ABCG2: variants seen among roughly 807,000 people sequenced by gnomAD.
ABCG2 encodes the protein ATP binding cassette subfamily G member 2 (JR blood group).
Under a neutral mutation model 73.5 loss-of-function variants are expected in ABCG2, and 80 were observed. The observed-to-expected ratio is 1.09, with a 90% CI of 0.91 to 1.31. ABCG2 has a LOEUF of 1.31. ABCG2 is among the 50% of genes most tolerant of loss of function. ABCG2 has a pLI of 0.00. For synonymous variants in ABCG2, 269 were observed against 282.4 expected, an observed-to-expected ratio of 0.95 and a Z score of 0.48; for missense variants, 796 against 786.2, an observed-to-expected ratio of 1.01 and a Z score of -0.15.
At chr4:88,112,502 C>G (rs1228045689) in intron 9 of ABCG2, among the ~76,000 whole-genome samples, 1 of 152,148 alleles carries the variant, frequency 6.6e-6, no homozygotes, top group African/African-American at 2.4e-5. Context: ...CTTCTACCAT[C>G]TAACATGCTA....
intron 1 of ABCG2, among the ~76,000 whole-genome samples, chr4:88,180,468 G>T (rs1728187400): frequency 6.6e-6 from 1 of 152,236 alleles, no homozygotes; most frequent in African/African-American, 2.4e-5. Context: ...AGGTACAGTG[G>T]CTCATGCCTA....
At chr4:88,168,402 G>A (rs1044985279) in intron 1 of ABCG2, among the ~76,000 whole-genome samples, 3 of 151,798 alleles carry the variant, frequency 2.0e-5, no homozygotes, top group Non-Finnish European at 4.4e-5. Flanking sequence ...CAGGAGAATC[G>A]CTTGAACCCA....
intron 1 of ABCG2, among the ~76,000 whole-genome samples, chr4:88,194,685 A>G (rs756977993): frequency 2.0e-5 from 3 of 150,556 alleles, no homozygotes; most frequent in African/African-American, 4.9e-5. Flanking sequence ...TTTTTCTTCC[A>G]CTGTCTTACA....
intron 10 of ABCG2, 90 bp from the exon 11 acceptor site, chr4:88,101,409 G>C: frequency 8.6e-7 from 1 of 1,161,974 alleles, no homozygotes; most frequent in Non-Finnish European, 1.3e-6. Context: ...ACAAATGACA[G>C]TGTATAAAGT....
At chr4:88,113,231 CAT>C in intron 9 of ABCG2, 70 bp downstream of exon 9, 2 of 1,535,736 alleles carry the variant, frequency 1.3e-6, no homozygotes, top group Non-Finnish European at 1.8e-6. Context: ...AGAAGATAAA[CAT>C]ATCCTGAAGC....
At chr4:88,148,125 T>G (rs1726176287) in intron 1 of ABCG2, among the ~76,000 whole-genome samples, 2 of 152,248 alleles carry the variant, frequency 1.3e-5, no homozygotes, top group South Asian at 4.1e-4. Context: ...AGCACAGGTT[T>G]GAAGTACATG....
intron 1 of ABCG2, among the ~76,000 whole-genome samples, chr4:88,198,541 G>T (rs986080468): frequency 1.3e-4 from 20 of 152,078 alleles, no homozygotes; most frequent in Non-Finnish European, 2.9e-4. Context: ...GCTGAGGCAG[G>T]AGGATCACTT....
At chr4:88,230,146 C>T (rs1730395836) in intron 1 of ABCG2, among the ~76,000 whole-genome samples, 1 of 149,674 alleles carries the variant, frequency 6.7e-6, no homozygotes. Context: ...GCGTGTGACA[C>T]CACGCCCAGC....
intron 1 of ABCG2, among the ~76,000 whole-genome samples, chr4:88,185,375 A>C (rs10023393): frequency 0.41 from 61,765 of 151,966 alleles, 13,089 homozygotes; most frequent in East Asian, 0.76. Context: ...AACAAAACAA[A>C]ACTCAAACTA....
At chr4:88,110,411 C>G (rs1406619937) in intron 9 of ABCG2, among the ~76,000 whole-genome samples, 1 of 151,850 alleles carries the variant, frequency 6.6e-6, no homozygotes, top group Non-Finnish European at 1.5e-5. Context: ...GGCATGGTGG[C>G]GGGCACCCGT....
At chr4:88,132,881 C>T (rs1212268436) in intron 2 of ABCG2, among the ~76,000 whole-genome samples, 1 of 149,892 alleles carries the variant, frequency 6.7e-6, no homozygotes, top group Non-Finnish European at 1.5e-5. Flanking sequence ...CCAGCCTGGG[C>T]AACATAGGGA....
At chr4:88,137,767 C>A (rs540347534) in intron 2 of ABCG2, among the ~76,000 whole-genome samples, 1 of 152,282 alleles carries the variant, frequency 6.6e-6, no homozygotes, top group East Asian at 1.9e-4. Flanking sequence ...CAGTAATGAC[C>A]ATGGGAACAT....
chr4:88,173,825 C>A (rs1481999163), intron 1 of ABCG2, among the ~76,000 whole-genome samples: 2 of 152,002 alleles, frequency 1.3e-5, no homozygotes, highest in Non-Finnish European at 2.9e-5. Flanking sequence ...GTAGCGAGAC[C>A]CTGTCGCTAC....
intron 1 of ABCG2, among the ~76,000 whole-genome samples, chr4:88,149,591 C>A (rs575351175): frequency 1.3e-5 from 2 of 152,298 alleles, no homozygotes; most frequent in South Asian, 2.1e-4. Flanking sequence ...GTGGTTCATG[C>A]CTGTAATGCC....
intron 1 of ABCG2, among the ~76,000 whole-genome samples, chr4:88,143,539 C>A (rs1461062370): frequency 6.6e-6 from 1 of 152,060 alleles, no homozygotes; most frequent in African/African-American, 2.4e-5. Flanking sequence ...ATCACCCATG[C>A]CCATACAAGA....
chr4:88,113,691 G>A (rs1205068215), intron 8 of ABCG2, 138 bp from the exon 9 acceptor site: 17 of 1,148,926 alleles, frequency 1.5e-5, no homozygotes, highest in East Asian at 7.7e-5. Flanking sequence ...GGCCAGGCAC[G>A]GCGGCTCATG....
chr4:88,202,571 C>G (rs1286697627), intron 1 of ABCG2, among the ~76,000 whole-genome samples: 1 of 151,484 alleles, frequency 6.6e-6, no homozygotes, highest in Non-Finnish European at 1.5e-5. Flanking sequence ...TCTCACCTCA[C>G]AGATTGAATC....
At chr4:88,194,853 T>C (rs1303296860) in intron 1 of ABCG2, among the ~76,000 whole-genome samples, 1 of 152,040 alleles carries the variant, frequency 6.6e-6, no homozygotes, top group African/African-American at 2.4e-5. Flanking sequence ...CAGGAGTTAA[T>C]GGGGAGCCCG....
intron 7 of ABCG2, among the ~76,000 whole-genome samples, chr4:88,116,355 C>T (rs559853977): frequency 1.3e-5 from 2 of 152,290 alleles, no homozygotes; most frequent in South Asian, 4.1e-4. Context: ...ATCATCTGAA[C>T]TCAGCGTGGC....
Sources: allele counts gnomAD v4.1 joint callset (sites outside exome capture counted in the v4.1 genomes callset), GRCh38; gene constraint gnomAD v4.1.1; transcripts MANE v1.5; gene names NCBI Gene and HGNC (gene_info 2026-07-23, HGNC 2026-07-21).